The following WDR35 variants were observed in gnomAD, a reference collection of about 807,000 sequenced individuals.
WDR35 encodes the protein WD repeat domain 35.
Under a neutral mutation model 158.3 loss-of-function variants are expected in WDR35, and 118 were observed. The ratio of observed to expected loss-of-function variants is 0.75; its 90% CI spans 0.64 to 0.87. WDR35 has a LOEUF of 0.87. Ranked by LOEUF, WDR35 falls within the 40% of genes least tolerant of loss-of-function variation. WDR35 has a pLI of 0.00. For synonymous variants in WDR35, 448 were observed against 476.1 expected, an observed-to-expected ratio of 0.94 and a Z score of 0.77; for missense variants, 1,263 against 1,405.8, an observed-to-expected ratio of 0.90 and a Z score of 1.62.
At chr2:19,952,941 C>T (rs1025167898) in intron 12 of WDR35, among the ~76,000 whole-genome samples, 16 of 151,998 alleles carry the variant, frequency 1.1e-4, no homozygotes, top group Non-Finnish European at 2.2e-4. Context: ...GAGGATCCAT[C>T]TCCCATCTTA....
At chr2:19,958,678 A>G (rs953936498) in intron 11 of WDR35, among the ~76,000 whole-genome samples, 1 of 152,212 alleles carries the variant, frequency 6.6e-6, no homozygotes, top group African/African-American at 2.4e-5. Flanking sequence ...ATGGGGATAC[A>G]GAAGTTAATT....
At chr2:19,962,278 C>T in intron 10 of WDR35, 5 of 1,613,068 alleles carry the variant, frequency 3.1e-6, no homozygotes, top group South Asian at 2.2e-5. Flanking sequence ...TATATAAGAG[C>T]TAATTTCATT....
intron 16 of WDR35, among the ~76,000 whole-genome samples, chr2:19,944,401 AC>A (rs1206982061): frequency 6.6e-6 from 1 of 152,170 alleles, no homozygotes; most frequent in East Asian, 1.9e-4. Flanking sequence ...TGCTATAGAC[AC>A]ATTATGAGCA....
chr2:19,928,869 C>T (rs1260853297), intron 25 of WDR35, among the ~76,000 whole-genome samples: 1 of 151,338 alleles, frequency 6.6e-6, no homozygotes, highest in Non-Finnish European at 1.5e-5. Context: ...TGCAGCGGTG[C>T]GATCTCGGCT....
At position 19,973,798 on chromosome 2, in the gene WDR35, A is replaced by T. The variant is rs569712581; in HGVS notation, c.737-90T>A. 83 of 1,517,286 alleles carry T rather than the reference A, an allele frequency of 5.5e-5. No homozygotes were observed. In the Middle Eastern group the frequency reaches 6.8e-4, roughly 12 times the overall value. 94.0% of individuals were successfully genotyped at this position (1,517,286 alleles called of 1,614,324 possible). A position where few individuals can be genotyped will look rare whatever the true frequency, so the allele number is the denominator to read the frequency against. ...TTAAGAACAACTTTTAAACATTTTT[A>T]AAACTTTCCACATTTTTAAAAAAAC... On this transcript the variant is annotated intron_variant, in intron 7 of 26. Transcript: ENST00000281405.
At chr2:19,969,657 A>T in intron 8 of WDR35, 52 bp from the exon 9 acceptor site, 1 of 1,578,592 alleles carries the variant, frequency 6.3e-7, no homozygotes, top group South Asian at 1.1e-5. Context: ...ACTGAAATAC[A>T]AATTACCACC....
At position 19,957,393 on chromosome 2, in the gene WDR35, A is replaced by AT. The variant is rs1671479631; in HGVS notation, c.1255+3160dup. On this transcript the variant is annotated intron_variant, in intron 11 of 26. Transcript: ENST00000281405. ...CATATTTTGCTAGATCTTTATTAAG[A>AT]TTCATCCCATCTAGACTAAGCTTCT... Among the ~76,000 whole-genome samples, 3 of 152,202 alleles carry AT rather than the reference A, an allele frequency of 2.0e-5. No individual in the cohort carries two copies. The South Asian group carries it at 6.2e-4, about 31-fold the overall frequency.
chr2:19,937,256 A>G (rs530838552), intron 19 of WDR35, among the ~76,000 whole-genome samples: 22 of 152,362 alleles, frequency 1.4e-4, no homozygotes, highest in Middle Eastern at 6.8e-3. Context: ...CAGGCCTTAC[A>G]GTTCTTTAAT....
At chr2:19,945,695 C>A in intron 16 of WDR35, 91 bp downstream of exon 16, 1 of 1,468,414 alleles carries the variant, frequency 6.8e-7, no homozygotes, top group Non-Finnish European at 9.5e-7. Flanking sequence ...TGCTATTCAA[C>A]AAACTTCTTA....
intron 7 of WDR35, 110 bp downstream of exon 7, chr2:19,974,358 A>G (rs1672133940): frequency 8.7e-7 from 1 of 1,154,896 alleles, no homozygotes; most frequent in African/African-American, 1.6e-5. Flanking sequence ...GCCGTGAGCC[A>G]AGATCGTGCC....
intron 5 of WDR35, among the ~76,000 whole-genome samples, chr2:19,976,977 G>A (rs999728120): frequency 7.2e-5 from 11 of 151,812 alleles, no homozygotes; most frequent in African/African-American, 2.2e-4. Flanking sequence ...ATGCCACCAC[G>A]CCCAGATAAT....
intron 22 of WDR35, among the ~76,000 whole-genome samples, chr2:19,933,017 C>A (rs933451259): frequency 3.3e-5 from 5 of 152,164 alleles, no homozygotes; most frequent in African/African-American, 1.2e-4. Context: ...TAAAGTAACT[C>A]AATTCCTTCC....
rs751769266 is a variant in WDR35, at chr2:19,914,280, A to G, written c.3122-3T>C. On this transcript the variant is annotated splice_polypyrimidine_tract_variant and splice_region_variant and intron_variant, in intron 25 of 26. Coordinates refer to ENST00000281405, the MANE Select transcript of WDR35 (RefSeq NM_020779.4). The stretch of plus-strand genomic sequence containing the variant: ...TTCATAGTCTTTCAGGTGAAGAGCT[A>G]AGAAAAACAGGGCAATTGGGGTTTT... 26 of 1,614,028 alleles carry G rather than the reference A, an allele frequency of 1.6e-5. No homozygotes were observed. The Admixed American group carries it at 4.2e-4, about 26-fold the overall frequency.
At chr2:19,973,341 G>T (rs1442618771) in intron 8 of WDR35, among the ~76,000 whole-genome samples, 1 of 151,680 alleles carries the variant, frequency 6.6e-6, no homozygotes, top group Non-Finnish European at 1.5e-5. Context: ...TTAAACTTCT[G>T]GTTTTCTGAA....
chr2:19,962,133 T>C lies in WDR35; in HGVS notation c.1195-1519A>G, dbSNP rs964481659. On this transcript the variant is annotated intron_variant, in intron 10 of 26. Coordinates refer to ENST00000281405, the MANE Select transcript of WDR35 (RefSeq NM_020779.4). ...AATGTCTTGACCTTGATGGAGCTTA[T>C]GTTGAAAAATAAAGTTTCTATTTTT... Among the ~76,000 whole-genome samples the C allele has an allele frequency of 2.0e-4, 31 of 152,188 alleles. No individual in the cohort carries two copies. The highest frequency in any genetic ancestry group is 7.0e-4 in the African/African-American group (29 of 41,450).
rs541959561 is a variant in WDR35, at chr2:19,973,623, C to G, written c.822G>C (p.Gln274His). The part of the protein sequence containing the change: ...MGSVLAVAGF[Q>H]KAAMQDKDVN... ...CATCTTTGTCCTGCATGGCTGCCTT[C>G]TGGAAGCCTGCCACAGCTAACACGC... The change falls in exon 8 of 27, where the codon CAG becomes CAC. Residue 274 changes from glutamine to histidine, a missense_variant. Gln to His is a conservative substitution (Grantham distance 24). Transcript: ENST00000281405. The G allele has an allele frequency of 6.2e-7, 1 of 1,614,228 alleles. No individual in the cohort carries two copies. Among genetic ancestry groups the G allele is most frequent in the East Asian group, 2.2e-5 (1 of 44,888 alleles).
chr2:19,936,346 G>T lies in WDR35; in HGVS notation c.2287C>A (p.Arg763=), dbSNP rs200970377. Residue 763 remains arginine, a synonymous_variant, in exon 20 of 27, where the codon CGG becomes AGG. Coordinates refer to ENST00000281405, the MANE Select transcript of WDR35 (RefSeq NM_020779.4). The part of the protein sequence containing the change: ...MDRRDLAIGL[R]LKLGDWFRVL... The stretch of plus-strand genomic sequence containing the variant: ...CTAAACCAATCCCCCAATTTCAGCC[G>T]GAGGCCAATAGCAAGATCCCTACAA... 6.2e-7 allele frequency: 1 copy of T among 1,613,892 alleles called. No individual in the cohort carries two copies. Among genetic ancestry groups the T allele is most frequent in the Non-Finnish European group, 8.5e-7 (1 of 1,179,884 alleles).
At chr2:19,931,164 A>C (rs896319108) in intron 24 of WDR35, 105 bp downstream of exon 24, 2 of 1,283,662 alleles carry the variant, frequency 1.6e-6, no homozygotes, top group Admixed American at 2.5e-5. Context: ...ACAAATGCAG[A>C]CATGCAAATT....
Position 19,936,367 on chromosome 2 carries a change from TACAA to T in WDR35, c.2268-6_2268-3del. On this transcript the variant is annotated splice_region_variant and splice_polypyrimidine_tract_variant and intron_variant, in intron 19 of 26. Coordinates refer to ENST00000281405, the MANE Select transcript of WDR35 (RefSeq NM_020779.4). ...AGCCGGAGGCCAATAGCAAGATCCC[TACAA>T]ACAAAGGCATTCATTCATTCATTCA... 6.2e-7 allele frequency: 1 copy of T among 1,613,916 alleles called. No homozygotes were observed. Among genetic ancestry groups the T allele is most frequent in the South Asian group, 1.1e-5 (1 of 91,086 alleles).
Sources: gnomAD v4.1 joint callset for allele counts (sites outside exome capture counted in the v4.1 genomes callset) on GRCh38, gnomAD v4.1.1 for gene constraint, MANE v1.5 for transcripts, NCBI Gene and HGNC (gene_info 2026-07-23, HGNC 2026-07-21) for gene names.